Variants in GREB1 observed in about 807,000 individuals in gnomAD.
GREB1 encodes the protein protein GREB1.
In GREB1, 106 loss-of-function variants were observed where a neutral mutation model predicts 200.7. That is an observed-to-expected ratio of 0.53 (90% CI 0.45 to 0.62). GREB1 has a LOEUF of 0.62. Ranked by LOEUF, GREB1 falls within the 20% of genes least tolerant of loss-of-function variation. The pLI is 0.00. For missense variants in GREB1, 2,243 were observed against 2,556.8 expected (o/e 0.88, Z 2.65); for synonymous variants, 1,132 against 1,092.4 (o/e 1.04, Z -0.72).
In GREB1 at chr2:11,596,564, GAA is replaced by G. The variant is rs1215577915; in HGVS notation, c.1954+326_1954+327del. ...GTGGGGGCACAGGTGTGCACAGTGAGAAGGGGTGGGGGCACCAGTGTGTACAG... is the reference window on the plus strand; with the variant it reads ...GTGGGGGCACAGGTGTGCACAGTGAGGGGGTGGGGGCACCAGTGTGTACAG... On this transcript the variant is annotated intron_variant, in intron 13 of 32. Transcript: ENST00000381486. Among the ~76,000 whole-genome samples the G allele has an allele frequency of 1.2e-3, 91 of 73,418 alleles. 1 individual carries two copies. The highest frequency in any genetic ancestry group is 3.7e-3 in the African/African-American group (51 of 13,788). The allele number at this position is 73,418 out of a possible 152,430, so 48.2% of individuals were successfully genotyped here.
At chr2:11,579,115 G>A (rs557812897) in intron 6 of GREB1, among the ~76,000 whole-genome samples, 4 of 152,366 alleles carry the variant, frequency 2.6e-5, no homozygotes, top group African/African-American at 9.6e-5. Context: ...TGCCCAGAGG[G>A]TCTGTAGAGG....
intron 24 of GREB1, 80 bp downstream of exon 24, chr2:11,625,392 G>A (rs1684363962): frequency 1.4e-6 from 2 of 1,399,198 alleles, no homozygotes; most frequent in Non-Finnish European, 2.0e-6. Context: ...ATTTTGTTAG[G>A]CATGAAATCA....
At chr2:11,576,899 G>T (rs2148039412) in intron 5 of GREB1, among the ~76,000 whole-genome samples, 1 of 152,248 alleles carries the variant, frequency 6.6e-6, no homozygotes, top group South Asian at 2.1e-4. Context: ...GCCGGCCATG[G>T]TGGTGCCCGC....
intron 1 of GREB1, among the ~76,000 whole-genome samples, chr2:11,504,838 C>A (rs187385767): frequency 6.6e-6 from 1 of 152,228 alleles, no homozygotes. Flanking sequence ...ATTCATTGAG[C>A]CCTTTCTTGT....
At chr2:11,509,817 G>A (rs576894830) in intron 1 of GREB1, among the ~76,000 whole-genome samples, 1 of 152,322 alleles carries the variant, frequency 6.6e-6, no homozygotes, top group African/African-American at 2.4e-5. Flanking sequence ...GTCTGCTGGT[G>A]CCATACCCTT....
Position 11,592,994 on chromosome 2 carries a change from G to A in GREB1, c.1564G>A (p.Ala522Thr), listed in dbSNP as rs1411374582. 6.2e-7 allele frequency: 1 copy of A among 1,610,522 alleles called. No homozygotes were observed. Among genetic ancestry groups the A allele is most frequent in the African/African-American group, 1.3e-5 (1 of 74,988 alleles). Reference protein sequence around the residue: ...CNDSVHVIECAYSLAEGLSEM... With the variant: ...CNDSVHVIECTYSLAEGLSEM... ...CGACAGCGTGCACGTCATCGAGTGT[G>A]CTTACTCCCTGGCCGAGGGCCTCTC... The change falls in exon 11 of 33, where the codon GCT (alanine) becomes ACT (threonine). Residue 522 changes from alanine (A) to threonine (T), a missense_variant. Around this residue, in one of 3 missense-constraint regions of GREB1, gnomAD observed 1,178 missense variants for 1,387.4 expected, o/e 0.85. Coordinates refer to ENST00000381486, the MANE Select transcript of GREB1 (RefSeq NM_014668.4).
intron 4 of GREB1, among the ~76,000 whole-genome samples, chr2:11,573,576 C>T (rs1241967025): frequency 6.6e-6 from 1 of 152,160 alleles, no homozygotes; most frequent in Admixed American, 6.5e-5. Context: ...CATTTCCGGT[C>T]TCTCCCAGGG....
rs182542502 is a variant in GREB1 at position 11,520,571 on chromosome 2, G to T, written c.-158-35886G>T. Among the ~76,000 whole-genome samples the T allele has an allele frequency of 3.1e-3, 467 of 152,308 alleles. 3 individuals are homozygous for T. The highest frequency in any genetic ancestry group is 0.01 in the African/African-American group (421 of 41,570). ...TCTACCTTCAAAGCCAACAGGGTTGGTCAAGTCTCTCTCATGCTTTGAATT... is the reference window on the plus strand; with the variant it reads ...TCTACCTTCAAAGCCAACAGGGTTGTTCAAGTCTCTCTCATGCTTTGAATT... On this transcript the variant is annotated intron_variant, in intron 1 of 2. Transcript: ENST00000628795.
At chr2:11,505,711 G>A (rs930954261) in intron 1 of GREB1, among the ~76,000 whole-genome samples, 15 of 152,074 alleles carry the variant, frequency 9.9e-5, no homozygotes, top group Admixed American at 2.0e-4. Flanking sequence ...GCCGGGCGTG[G>A]TGATGGGTAC....
In GREB1 at chr2:11,592,894, C is replaced by T. The variant is rs776173122; in HGVS notation, c.1464C>T (p.Pro488=). ...AGGCGCCGCCGCAGCCCTTCCCGCCCGCGCCCAGCGCCGCGGCACCCGTGA... is the reference window on the plus strand; with the variant it reads ...AGGCGCCGCCGCAGCCCTTCCCGCCTGCGCCCAGCGCCGCGGCACCCGTGA... ...YQQAPPQPFP[P]APSAAAPVTS... is the part of the protein sequence containing the mutation. The change falls in exon 11 of 33, where the codon CCC becomes CCT. Residue 488 remains proline (P), a synonymous_variant. Coordinates refer to ENST00000381486, the MANE Select transcript of GREB1 (RefSeq NM_014668.4). 61 of 1,595,190 alleles carry T rather than the reference C, an allele frequency of 3.8e-5. No individual in the cohort carries two copies. Among genetic ancestry groups the T allele is most frequent in the Non-Finnish European group, 5.1e-5 (60 of 1,171,666 alleles).
At chr2:11,552,848 A>G (rs1428842588) in intron 1 of GREB1, among the ~76,000 whole-genome samples, 3 of 151,966 alleles carry the variant, frequency 2.0e-5, no homozygotes, top group Admixed American at 1.3e-4. Flanking sequence ...CGTCTCTACT[A>G]AAAATACAAA....
intron 27 of GREB1, 86 bp from the exon 28 acceptor site, chr2:11,632,803 G>T (rs1684992734): frequency 1.0e-5 from 12 of 1,192,586 alleles, no homozygotes; most frequent in Non-Finnish European, 1.4e-5. Flanking sequence ...TGTCTGGGCG[G>T]CCCCGACAGC....
intron 1 of GREB1, among the ~76,000 whole-genome samples, chr2:11,542,012 C>T (rs1674801689): frequency 6.6e-6 from 1 of 152,064 alleles, no homozygotes; most frequent in Admixed American, 6.5e-5. Flanking sequence ...TTCTCTGTTT[C>T]CCTCCAGGCC....
intron 1 of GREB1, chr2:11,542,942 T>C (rs904648756): frequency 1.3e-5 from 2 of 152,280 alleles, no homozygotes; most frequent in African/African-American, 4.8e-5. Flanking sequence ...CACCTGGGGC[T>C]TTAAATGCTA....
chr2:11,575,365 C>T (rs778250546), intron 4 of GREB1, among the ~76,000 whole-genome samples: 11 of 152,216 alleles, frequency 7.2e-5, no homozygotes, highest in South Asian at 4.1e-4. Context: ...TTAACCAACG[C>T]TCCCAATGCC....
chr2:11,592,717 G>A (rs1229802506), intron 10 of GREB1, 59 bp from the exon 11 acceptor site: 1 of 1,162,138 alleles, frequency 8.6e-7, no homozygotes, highest in Non-Finnish European at 1.2e-6. Flanking sequence ...CACTGCACCC[G>A]TGCGTCCCCG....
intron 7 of GREB1, 71 bp from the exon 8 acceptor site, chr2:11,585,090 C>A: frequency 1.3e-6 from 1 of 796,478 alleles, no homozygotes. Context: ...CATTGTTCTC[C>A]AAACCAAGGG....
intron 10 of GREB1, among the ~76,000 whole-genome samples, chr2:11,592,570 A>G (rs1680840088): frequency 6.6e-6 from 1 of 152,154 alleles, no homozygotes; most frequent in South Asian, 2.1e-4. Context: ...ATGGAAAAAA[A>G]GACTGAGAAA....
intron 7 of GREB1, among the ~76,000 whole-genome samples, chr2:11,582,903 C>G (rs931039656): frequency 3.9e-5 from 6 of 152,128 alleles, no homozygotes; most frequent in Admixed American, 2.0e-4. Context: ...CCCCTGGGGG[C>G]GGGGGTAGGA....
Sources: allele counts gnomAD v4.1 joint callset (sites outside exome capture counted in the v4.1 genomes callset), GRCh38; gene constraint gnomAD v4.1.1; regional missense constraint gnomAD v4.1.1; transcripts MANE v1.5; gene names NCBI Gene and HGNC (gene_info 2026-07-23, HGNC 2026-07-21).